The following KMT2C variants were observed in gnomAD, a reference collection of about 807,000 sequenced individuals.
KMT2C encodes the protein histone-lysine N-methyltransferase 2C.
KMT2C carries 88 observed loss-of-function variants against 507.9 expected under a neutral mutation model. The ratio of observed to expected loss-of-function variants is 0.17; its 90% CI spans 0.15 to 0.21. The LOEUF (loss-of-function observed/expected upper bound fraction) is 0.21. KMT2C is among the 10% of genes least tolerant of loss of function. KMT2C has a pLI of 1.00. For synonymous variants in KMT2C, 2,049 were observed against 2,080.8 expected, an observed-to-expected ratio of 0.98 and a Z score of 0.42; for missense variants, 4,954 against 5,957.8, an observed-to-expected ratio of 0.83 and a Z score of 5.55.
At chr7:152,260,993 A>T (rs1347960590) in intron 9 of KMT2C, among the ~76,000 whole-genome samples, 1 of 152,246 alleles carries the variant, frequency 6.6e-6, no homozygotes, top group East Asian at 1.9e-4. Flanking sequence ...GCAGGAAGTA[A>T]AAGAAGAGAA....
chr7:152,387,075 G>A (rs2097435545), intron 1 of KMT2C, among the ~76,000 whole-genome samples: 1 of 152,122 alleles, frequency 6.6e-6, no homozygotes, highest in Non-Finnish European at 1.5e-5. Flanking sequence ...AAAATGTTAA[G>A]TGGGGTTTTA....
intron 6 of KMT2C, among the ~76,000 whole-genome samples, chr7:152,304,337 C>T (rs1459475668): frequency 2.6e-5 from 4 of 152,232 alleles, no homozygotes; most frequent in East Asian, 3.9e-4. Context: ...AATAAAATTT[C>T]ACCCTCTCTA....
chr7:152,290,275 TATATATATATATATATATA>T (rs1186532819), intron 6 of KMT2C, among the ~76,000 whole-genome samples: 9 of 31,850 alleles, frequency 2.8e-4, no homozygotes, highest in Admixed American at 7.2e-4. Context: ...TATATATATA[TATATATATATATATATATA>T]TTTTTTTTTT....
At chr7:152,213,932 T>C (rs1189267317) in intron 23 of KMT2C, among the ~76,000 whole-genome samples, 1 of 152,078 alleles carries the variant, frequency 6.6e-6, no homozygotes, top group African/African-American at 2.4e-5. Flanking sequence ...TAGCCATTTT[T>C]CCAAAGTCAC....
Position 152,162,425 on chromosome 7 carries a change from T to A in KMT2C, c.11152A>T (p.Ile3718Leu). 6.2e-7 allele frequency: 1 copy of A among 1,614,256 alleles called. No individual in the cohort carries two copies. Among genetic ancestry groups the A allele is most frequent in the Non-Finnish European group, 8.5e-7 (1 of 1,180,048 alleles). Residue 3718 changes from isoleucine to leucine, a missense_variant, in exon 43 of 59, where the codon ATA (isoleucine) becomes TTA (leucine). This residue lies in a region of KMT2C where 801 missense variants were observed against 751.2 expected (regional missense o/e 1.07). Transcript: ENST00000262189. ...TCTGTCTCAGCCTTTTCCAGTTTTATCTCTTCTGTTTTGGCAGGGGTTTCC... is the reference window on the plus strand; with the variant it reads ...TCTGTCTCAGCCTTTTCCAGTTTTAACTCTTCTGTTTTGGCAGGGGTTTCC... ...SMETPAKTEEIKLEKAETESC... is the reference protein window; with the variant it reads ...SMETPAKTEELKLEKAETESC...
Position 152,204,664 on chromosome 7 carries a change from A to C in KMT2C, c.3961+442T>G, listed in dbSNP as rs532044900. On this transcript the variant is annotated intron_variant, in intron 25 of 58. Coordinates refer to ENST00000262189, the MANE Select transcript of KMT2C (RefSeq NM_170606.3). ...ACAGACAGATACATAAATAGATAAA[A>C]ACTGAGGTGCACTGTCACTTGAGAA... Among the ~76,000 whole-genome samples the C allele has an allele frequency of 5.9e-5, 9 of 152,066 alleles. No homozygotes were observed. The East Asian group carries it at 1.7e-3, about 29-fold the overall frequency.
chr7:152,249,999 G>T, intron 12 of KMT2C, 46 bp from the exon 13 acceptor site: 1 of 1,125,876 alleles, frequency 8.9e-7, no homozygotes, highest in African/African-American at 1.5e-5. Context: ...CAAAATTTCT[G>T]TAACACTGTT....
intron 6 of KMT2C, among the ~76,000 whole-genome samples, chr7:152,299,350 A>T (rs1395513975): frequency 6.6e-6 from 1 of 150,606 alleles, no homozygotes; most frequent in Non-Finnish European, 1.5e-5. Context: ...AAATAAATAA[A>T]TAAAGTAAAA....
At chr7:152,330,085 A>T (rs1042949956) in intron 3 of KMT2C, among the ~76,000 whole-genome samples, 1 of 129,070 alleles carries the variant, frequency 7.7e-6, no homozygotes, top group African/African-American at 2.9e-5. Context: ...TGGAGGTTGC[A>T]GTGAGCTGAG....
intron 9 of KMT2C, among the ~76,000 whole-genome samples, chr7:152,259,599 G>A (rs1312237157): frequency 6.6e-6 from 1 of 152,076 alleles, no homozygotes; most frequent in African/African-American, 2.4e-5. Context: ...TTTAGAGTTT[G>A]AACTTATTTT....
intron 1 of KMT2C, among the ~76,000 whole-genome samples, chr7:152,421,838 C>T (rs150892994): frequency 6.0e-4 from 91 of 152,050 alleles, no homozygotes; most frequent in African/African-American, 2.1e-3. Context: ...CTCAGCGACA[C>T]GCAATGTGCC....
chr7:152,224,270 G>A, intron 19 of KMT2C, 91 bp from the exon 20 acceptor site: 1 of 1,354,032 alleles, frequency 7.4e-7, no homozygotes, highest in Non-Finnish European at 1.0e-6. Flanking sequence ...AACATAATGG[G>A]GGAAATGATT....
intron 40 of KMT2C, among the ~76,000 whole-genome samples, chr7:152,169,827 C>G (rs2092882520): frequency 6.6e-6 from 1 of 152,002 alleles, no homozygotes; most frequent in African/African-American, 2.4e-5. Flanking sequence ...CTGGGCAACA[C>G]AGCAGGATCC....
chr7:152,425,661 A>C (rs2116758740), intron 1 of KMT2C, among the ~76,000 whole-genome samples: 1 of 152,326 alleles, frequency 6.6e-6, no homozygotes, highest in East Asian at 1.9e-4. Flanking sequence ...GAATATGGTT[A>C]TGTTTCATTT....
chr7:152,417,967 A>ACTG (rs768374432), intron 1 of KMT2C, among the ~76,000 whole-genome samples: 7,366 of 141,962 alleles, frequency 0.052, 341 homozygotes, highest in African/African-American at 0.11. Flanking sequence ...AAAAAAAAAA[A>ACTG]AAAAAGATGG....
chr7:152,323,865 G>C (rs1456068715), intron 3 of KMT2C, among the ~76,000 whole-genome samples: 1 of 150,654 alleles, frequency 6.6e-6, no homozygotes, highest in Non-Finnish European at 1.5e-5. Flanking sequence ...AAGCGGGAGG[G>C]ACCTGTCATC....
intron 43 of KMT2C, 89 bp from the exon 44 acceptor site, chr7:152,159,161 C>G: frequency 9.3e-7 from 1 of 1,079,648 alleles, no homozygotes; most frequent in Non-Finnish European, 1.4e-6. Context: ...ACGCGTCATC[C>G]TAACATGGCA....
At position 152,435,611 on chromosome 7, in the gene KMT2C, T is replaced by C. The variant is rs2116820899; in HGVS notation, c.161+15A>G. 1 of 1,452,010 alleles carries C rather than the reference T, an allele frequency of 6.9e-7. No individual in the cohort carries two copies. Among genetic ancestry groups the C allele is most frequent in the Non-Finnish European group, 9.2e-7 (1 of 1,091,244 alleles). The allele number at this position is 1,452,010 out of a possible 1,614,324, so 89.9% of individuals were successfully genotyped here. A position where few individuals can be genotyped will look rare whatever the true frequency, so the allele number is the denominator to read the frequency against. On this transcript the variant is annotated intron_variant, in intron 1 of 58. Transcript: ENST00000262189. ...GCCGCTGGCTCCCGGCCTGGCTCCC[T>C]CGCACTCAACTTACTTCTTTCTGGC... is the stretch of plus-strand genomic sequence containing the variant.
chr7:152,400,084 G>A (rs866276975), intron 1 of KMT2C, among the ~76,000 whole-genome samples: 3 of 151,566 alleles, frequency 2.0e-5, no homozygotes, highest in South Asian at 4.2e-4. Context: ...CGAGATGGGC[G>A]GATCACGAGG....
Sources: gnomAD v4.1 joint callset for allele counts (sites outside exome capture counted in the v4.1 genomes callset) on GRCh38, gnomAD v4.1.1 for gene constraint, gnomAD v4.1.1 regional missense constraint, MANE v1.5 for transcripts, NCBI Gene and HGNC (gene_info 2026-07-23, HGNC 2026-07-21) for gene names.